EPS15: variants seen among roughly 807,000 people sequenced by gnomAD.
The protein encoded by EPS15 is epidermal growth factor receptor substrate 15.
EPS15 carries 72 observed loss-of-function variants against 113.8 expected under a neutral mutation model. The observed-to-expected ratio is 0.63, with a 90% CI of 0.52 to 0.77. EPS15 has a LOEUF of 0.77. EPS15 is among the 30% of genes least tolerant of loss of function. The pLI is 0.00. For missense variants in EPS15, 1,048 were observed against 1,045.8 expected (o/e 1.00, Z -0.03); for synonymous variants, 344 against 363.4 (o/e 0.95, Z 0.61).
chr1:51,370,962 C>T (rs1175454624), intron 21 of EPS15, among the ~76,000 whole-genome samples: 1 of 152,048 alleles, frequency 6.6e-6, no homozygotes, highest in Non-Finnish European at 1.5e-5. Context: ...GTTGCCCAGG[C>T]TGGAGTGCGG....
chr1:51,464,385 G>A (rs779414781), intron 6 of EPS15, among the ~76,000 whole-genome samples: 19 of 151,742 alleles, frequency 1.3e-4, no homozygotes, highest in East Asian at 1.9e-4. Context: ...GATTATAGGC[G>A]CCTGCCACCA....
rs556213459 is a variant in EPS15 at position 51,366,965 on chromosome 1, T to A, written c.2120-936A>T. On this transcript the variant is annotated intron_variant, in intron 21 of 24. Transcript: ENST00000371733. ...AGTCAACAAACATTTGTTGACCATA[T>A]ACCAAGTCTGAGAAAATAAAATGAT... Among the ~76,000 whole-genome samples the A allele has an allele frequency of 3.9e-5, 6 of 152,286 alleles. No individual in the cohort carries two copies. In the South Asian group the frequency reaches 1.2e-3, roughly 32 times the overall value.
Position 51,472,881 on chromosome 1 carries a change from A to G in EPS15, c.143T>C (p.Leu48Pro). ...TACCTTTCCAAGTATCAAGTCTGGA[A>G]GCCCTGATTTTTTCAGGAAAGCAGC... Reference protein sequence around the residue: ...DAAAFLKKSGLPDLILGKIWD... With the variant: ...DAAAFLKKSGPPDLILGKIWD... The change falls in exon 3 of 25, where the codon CTT becomes CCT. Residue 48 changes from leucine to proline, a missense_variant. By Grantham distance (98) the Leu-to-Pro change is moderately conservative (BLOSUM62 -3). Coordinates refer to ENST00000371733, the MANE Select transcript of EPS15 (RefSeq NM_001981.3). 6.2e-7 allele frequency: 1 copy of G among 1,613,350 alleles called. No individual in the cohort carries two copies. Among genetic ancestry groups the G allele is most frequent in the Non-Finnish European group, 8.5e-7 (1 of 1,179,304 alleles).
intron 21 of EPS15, among the ~76,000 whole-genome samples, chr1:51,380,427 T>C (rs35554259): frequency 1.3e-5 from 2 of 152,004 alleles, no homozygotes; most frequent in Admixed American, 6.6e-5. Flanking sequence ...CCACATAAAG[T>C]GGGGAGTGGA....
At chr1:51,421,413 TTGATGATGA>T (rs3991374) in intron 13 of EPS15, among the ~76,000 whole-genome samples, 5 of 151,812 alleles carry the variant, frequency 3.3e-5, no homozygotes, top group African/African-American at 1.2e-4. Context: ...ATACTGGTTT[TTGATGATGA>T]TGATGATGAT....
chr1:51,439,553 A>G (rs1365458213), intron 12 of EPS15, among the ~76,000 whole-genome samples: 1 of 152,122 alleles, frequency 6.6e-6, no homozygotes, highest in Admixed American at 6.5e-5. Context: ...CTCACTTTTA[A>G]AAAGTAATTT....
chr1:51,431,323 A>G (rs1214333030), intron 12 of EPS15, among the ~76,000 whole-genome samples: 4 of 152,276 alleles, frequency 2.6e-5, no homozygotes, highest in Middle Eastern at 3.4e-3. Context: ...AGTAACTGAA[A>G]AGAGAGCCTA....
intron 12 of EPS15, among the ~76,000 whole-genome samples, chr1:51,427,472 T>C (rs919406595): frequency 1.3e-5 from 2 of 152,130 alleles, no homozygotes; most frequent in African/African-American, 4.8e-5. Context: ...GGGATAAGAA[T>C]ATAAAGAGAT....
rs1646172675 is a variant in EPS15 at position 51,354,436 on chromosome 1, T to A, written c.*2264A>T. 5.6e-6 allele frequency: 1 copy of A among 180,176 alleles called. No homozygotes were observed. Among genetic ancestry groups the A allele is most frequent in the Non-Finnish European group, 1.2e-5 (1 of 84,200 alleles). 11.2% of individuals were successfully genotyped at this position (180,176 alleles called of 1,614,324 possible). ...GATATATGGATGGGATTCTTTATTA[T>A]TACTTAAAGTTTACTGTTCTCATAA... On this transcript the variant is annotated 3_prime_UTR_variant, in exon 25 of 25. Transcript: ENST00000371733.
At chr1:51,398,454 G>A (rs925539815) in intron 20 of EPS15, among the ~76,000 whole-genome samples, 13 of 152,142 alleles carry the variant, frequency 8.5e-5, no homozygotes, top group African/African-American at 3.1e-4. Context: ...TTAAAATAGG[G>A]ATATCAACAC....
chr1:51,516,788 T>C (rs1557545331), intron 1 of EPS15, among the ~76,000 whole-genome samples: 1 of 152,350 alleles, frequency 6.6e-6, no homozygotes, highest in African/African-American at 2.4e-5. Flanking sequence ...AACTTGAGCA[T>C]GTTTAATCTC....
chr1:51,379,859 C>G (rs1646897258), intron 21 of EPS15, among the ~76,000 whole-genome samples: 1 of 151,750 alleles, frequency 6.6e-6, no homozygotes, highest in South Asian at 2.1e-4. Flanking sequence ...GTCAGGAGTT[C>G]AAGACCAGCC....
At chr1:51,357,427 T>TATATATATA (rs57828043) in intron 24 of EPS15, among the ~76,000 whole-genome samples, 13 of 44,614 alleles carry the variant, frequency 2.9e-4, no homozygotes, top group African/African-American at 1.6e-3. Context: ...TATATATATA[T>TATATATATA]TTTTTTTTTT....
intron 12 of EPS15, chr1:51,423,368 A>G: frequency 9.1e-7 from 1 of 1,095,058 alleles, no homozygotes; most frequent in African/African-American, 1.6e-5. Context: ...AAGCAAATTC[A>G]AGAAATACAA....
intron 3 of EPS15, among the ~76,000 whole-genome samples, chr1:51,472,466 G>C (rs1307665708): frequency 6.6e-6 from 1 of 152,020 alleles, no homozygotes; most frequent in Non-Finnish European, 1.5e-5. Context: ...CCACCTCTTT[G>C]TGCTCTTTTT....
At chr1:51,435,483 T>C (rs1652080435) in intron 12 of EPS15, among the ~76,000 whole-genome samples, 1 of 152,234 alleles carries the variant, frequency 6.6e-6, no homozygotes, top group South Asian at 2.1e-4. Context: ...TGTGAGCCAC[T>C]GTGTCCGGCC....
intron 12 of EPS15, among the ~76,000 whole-genome samples, chr1:51,424,234 G>C (rs1651019588): frequency 6.6e-6 from 1 of 152,056 alleles, no homozygotes. Flanking sequence ...CTGTATATCA[G>C]ACTGAAAATC....
intron 8 of EPS15, chr1:51,458,716 G>A (rs951598612): frequency 3.4e-5 from 8 of 235,670 alleles, no homozygotes; most frequent in African/African-American, 1.7e-4. Flanking sequence ...CAGCCTGAGT[G>A]ACAGAGTGAG....
chr1:51,474,950 C>T (rs943754663), intron 2 of EPS15, among the ~76,000 whole-genome samples: 4 of 151,282 alleles, frequency 2.6e-5, no homozygotes, highest in Admixed American at 6.6e-5. Flanking sequence ...TTTGTCCTTG[C>T]GATAGTTTGC....
Sources: allele counts gnomAD v4.1 joint callset (sites outside exome capture counted in the v4.1 genomes callset), GRCh38; gene constraint gnomAD v4.1.1; transcripts MANE v1.5; gene names NCBI Gene and HGNC (gene_info 2026-07-23, HGNC 2026-07-21).